The following MARCHF3 variants were observed in gnomAD, a reference collection of about 807,000 sequenced individuals.
MARCHF3 encodes E3 ubiquitin-protein ligase MARCHF3.
Under a neutral mutation model 24.2 loss-of-function variants are expected in MARCHF3, and 13 were observed. The observed-to-expected ratio is 0.54, with a 90% confidence interval of 0.35 to 0.85. MARCHF3 has a LOEUF of 0.85. Ranked by LOEUF, MARCHF3 falls within the 40% of genes least tolerant of loss-of-function variation. MARCHF3 has a pLI of 0.01. For synonymous variants in MARCHF3, 144 were observed against 137.3 expected (o/e 1.05, Z -0.34); for missense variants, 276 against 325.0 (o/e 0.85, Z 1.16).
intron 1 of MARCHF3, among the ~76,000 whole-genome samples, chr5:126,964,409 A>G (rs748490353): frequency 6.6e-5 from 10 of 152,218 alleles, no homozygotes; most frequent in Non-Finnish European, 1.3e-4. Flanking sequence ...ACAGACTTCA[A>G]TTTCTCCAGA....
intron 1 of MARCHF3, among the ~76,000 whole-genome samples, chr5:126,929,056 T>C (rs1238355961): frequency 6.6e-6 from 1 of 152,218 alleles, no homozygotes; most frequent in African/African-American, 2.4e-5. Flanking sequence ...CCAAACAAGT[T>C]GTACACATCA....
At chr5:127,011,352 C>G (rs552215882) in intron 1 of MARCHF3, among the ~76,000 whole-genome samples, 3 of 152,126 alleles carry the variant, frequency 2.0e-5, no homozygotes, top group African/African-American at 7.2e-5. Context: ...ACCTACTCAT[C>G]CAAATAACCT....
intron 3 of MARCHF3, chr5:126,899,308 A>G (rs1175250729): frequency 7.1e-6 from 7 of 985,146 alleles, no homozygotes; most frequent in Non-Finnish European, 1.2e-6. Flanking sequence ...GAGAGCCACA[A>G]ATAATTGAAG....
chr5:126,892,960 T>C lies in MARCHF3; in HGVS notation c.394-14566A>G, dbSNP rs575759481. ...GGTAAGCTATTGATTATTGCCACAA[T>C]TTCAGATCCTGTTATTGGTCTATTC... On this transcript the variant is annotated intron_variant, in intron 3 of 4. Coordinates refer to ENST00000308660, the MANE Select transcript of MARCHF3 (RefSeq NM_178450.5). Among the ~76,000 whole-genome samples, 313 of 151,910 alleles carry C rather than the reference T, an allele frequency of 2.1e-3. 2 individuals are homozygous for C. The highest frequency in any genetic ancestry group is 6.8e-3 in the African/African-American group (282 of 41,450).
At position 126,871,845 on chromosome 5, in the gene MARCHF3, T is replaced by C. The variant is rs114798937; in HGVS notation, c.604-1054A>G. Among the ~76,000 whole-genome samples the C allele has an allele frequency of 8.5e-3, 1,285 of 151,914 alleles. 26 individuals are homozygous for C. The highest frequency in any genetic ancestry group is 0.029 in the African/African-American group (1,185 of 41,422). ...CCTCAGCCTCCTGAGAAGCCGGGAT[T>C]ACAGGCATACGCCACCATGCCTGGC... On this transcript the variant is annotated intron_variant, in intron 4 of 4. Coordinates refer to ENST00000308660, the MANE Select transcript of MARCHF3 (RefSeq NM_178450.5).
intron 1 of MARCHF3, among the ~76,000 whole-genome samples, chr5:126,924,806 T>C (rs1749238392): frequency 6.6e-6 from 1 of 152,244 alleles, no homozygotes; most frequent in Non-Finnish European, 1.5e-5. Flanking sequence ...AAGGAGGCTA[T>C]TCACTAAGAA....
At chr5:126,875,460 G>A (rs1280751249) in intron 4 of MARCHF3, among the ~76,000 whole-genome samples, 1 of 152,236 alleles carries the variant, frequency 6.6e-6, no homozygotes, top group Non-Finnish European at 1.5e-5. Context: ...CTGACACCGT[G>A]TTTGTTTATC....
At chr5:126,968,196 T>A (rs58412027) in intron 1 of MARCHF3, among the ~76,000 whole-genome samples, 4,528 of 152,336 alleles carry the variant, frequency 0.03, 218 homozygotes, top group African/African-American at 0.1. Context: ...TGTTCATTCA[T>A]CAGTTGGACA....
At chr5:126,883,757 G>C (rs1286063302) in intron 3 of MARCHF3, among the ~76,000 whole-genome samples, 3 of 152,184 alleles carry the variant, frequency 2.0e-5, no homozygotes, top group African/African-American at 7.2e-5. Context: ...TGCCTCCCAG[G>C]CTCTGAGTTA....
intron 1 of MARCHF3, among the ~76,000 whole-genome samples, chr5:126,945,001 C>T (rs558793012): frequency 6.6e-6 from 1 of 152,012 alleles, no homozygotes; most frequent in South Asian, 2.1e-4. Flanking sequence ...ACTTTTTTTG[C>T]CTGCCCCTTC....
At chr5:126,946,527 C>A (rs1166073575) in intron 1 of MARCHF3, among the ~76,000 whole-genome samples, 1 of 152,016 alleles carries the variant, frequency 6.6e-6, no homozygotes, top group African/African-American at 2.4e-5. Context: ...AGCATGAAAG[C>A]CCTTGCTTTA....
intron 3 of MARCHF3, among the ~76,000 whole-genome samples, chr5:126,882,237 G>A (rs192933738): frequency 6.6e-5 from 10 of 152,280 alleles, no homozygotes; most frequent in East Asian, 3.9e-4. Context: ...GTATGCTTGC[G>A]TGTGCAAGGT....
In MARCHF3 at chr5:126,879,109, A is replaced by T. The variant is rs368895830; in HGVS notation, c.394-715T>A. Among the ~76,000 whole-genome samples, 18 of 152,302 alleles carry T rather than the reference A, an allele frequency of 1.2e-4. No homozygotes were observed. The South Asian group carries it at 3.5e-3, about 30-fold the overall frequency. On this transcript the variant is annotated intron_variant, in intron 3 of 4. Coordinates refer to ENST00000308660, the MANE Select transcript of MARCHF3 (RefSeq NM_178450.5). ...ACTAAAGCTCAGGTGAGCTTCCCAG[A>T]TTGGCAAATACTTCGCCCATGTTGT...
intron 4 of MARCHF3, 151 bp from the exon 5 acceptor site, chr5:126,870,942 G>T (rs1173099165): frequency 9.2e-7 from 1 of 1,089,396 alleles, no homozygotes; most frequent in Non-Finnish European, 1.3e-6. Flanking sequence ...GCTCTGGCAC[G>T]CAGTGAGTGT....
intron 1 of MARCHF3, among the ~76,000 whole-genome samples, chr5:126,930,271 A>T (rs1378735316): frequency 6.6e-6 from 1 of 152,082 alleles, no homozygotes. Context: ...GGTACCTAAG[A>T]CTTTTGTCCT....
intron 3 of MARCHF3, among the ~76,000 whole-genome samples, chr5:126,906,553 T>A (rs562423365): frequency 6.6e-6 from 1 of 152,356 alleles, no homozygotes; most frequent in African/African-American, 2.4e-5. Context: ...TGGGAGAGTG[T>A]ATGTGTCCAG....
At chr5:126,915,361 T>C (rs1017383564) in intron 2 of MARCHF3, among the ~76,000 whole-genome samples, 11 of 152,240 alleles carry the variant, frequency 7.2e-5, no homozygotes, top group Non-Finnish European at 1.3e-4. Context: ...AATATCAAAG[T>C]AGCTGGGTGT....
chr5:126,957,298 T>C (rs1394665431), intron 1 of MARCHF3, among the ~76,000 whole-genome samples: 1 of 152,224 alleles, frequency 6.6e-6, no homozygotes, highest in East Asian at 1.9e-4. Context: ...TTGTCACATA[T>C]GTTTAACTTT....
intron 1 of MARCHF3, among the ~76,000 whole-genome samples, chr5:126,947,349 T>A (rs1234620333): frequency 1.3e-5 from 2 of 152,192 alleles, no homozygotes; most frequent in Non-Finnish European, 2.9e-5. Context: ...AAAAATAACC[T>A]CTTAAACCCT....
Sources: gnomAD v4.1 joint callset for allele counts (sites outside exome capture counted in the v4.1 genomes callset) on GRCh38, gnomAD v4.1.1 for gene constraint, MANE v1.5 for transcripts, NCBI Gene and HGNC (gene_info 2026-07-23, HGNC 2026-07-21) for gene names.